KATNIP: variants seen among roughly 807,000 people sequenced by gnomAD.
The protein encoded by KATNIP is katanin-interacting protein.
KATNIP carries 126 observed loss-of-function variants against 174.0 expected under a neutral mutation model. The observed-to-expected ratio is 0.72, with a 90% CI of 0.63 to 0.84. KATNIP has a LOEUF of 0.84. KATNIP is among the 40% of genes least tolerant of loss of function. The probability of loss-of-function intolerance (pLI) is 0.00; values close to 1 mark genes in which losing one functional copy is unlikely to be tolerated. For synonymous variants in KATNIP, 810 were observed against 835.7 expected (o/e 0.97, Z 0.53); for missense variants, 1,958 against 2,109.7 (o/e 0.93, Z 1.41).
At chr16:27,573,272 A>G (rs960311001) in intron 1 of KATNIP, among the ~76,000 whole-genome samples, 2 of 152,250 alleles carry the variant, frequency 1.3e-5, no homozygotes, top group African/African-American at 4.8e-5. Flanking sequence ...TTCCTTTATA[A>G]TGGACACTTC....
In KATNIP at chr16:27,601,236, C is replaced by G. The variant is rs148169118; in HGVS notation, c.64-17189C>G. ...TGGGAGACACAGCAGTGAGCAAGCTCGCATTGTCCCTGCTCTCGTGGGTCT... is the reference window on the plus strand; with the variant it reads ...TGGGAGACACAGCAGTGAGCAAGCTGGCATTGTCCCTGCTCTCGTGGGTCT... On this transcript the variant is annotated intron_variant, in intron 2 of 27. Transcript: ENST00000261588. Among the ~76,000 whole-genome samples, 46 of 152,260 alleles carry G rather than the reference C, an allele frequency of 3.0e-4. 1 individual carries two copies. Among genetic ancestry groups the G allele is most frequent in the Middle Eastern group, 3.4e-3 (1 of 294 alleles).
chr16:27,750,384 C>T, intron 16 of KATNIP, 78 bp downstream of exon 16: 2 of 1,401,216 alleles, frequency 1.4e-6, no homozygotes, highest in Non-Finnish European at 9.7e-7. Context: ...AACAGACCAG[C>T]TGGCTAGCCA....
At chr16:27,699,993 C>T (rs1703392525) in intron 10 of KATNIP, among the ~76,000 whole-genome samples, 1 of 152,114 alleles carries the variant, frequency 6.6e-6, no homozygotes, top group African/African-American at 2.4e-5. Flanking sequence ...TCACTACAAC[C>T]TCTGCCTCCC....
intron 5 of KATNIP, chr16:27,644,395 G>A (rs2076898314): frequency 6.6e-6 from 1 of 152,068 alleles, no homozygotes; most frequent in East Asian, 1.9e-4. Context: ...AGCCCTCGTG[G>A]GCATCTGGCT....
At chr16:27,651,908 T>C (rs1254183114) in intron 6 of KATNIP, among the ~76,000 whole-genome samples, 7 of 152,140 alleles carry the variant, frequency 4.6e-5, no homozygotes, top group Non-Finnish European at 8.8e-5. Flanking sequence ...TTAGTAGAGA[T>C]GGGGTTTCAC....
chr16:27,702,670 C>A (rs537233201), intron 11 of KATNIP, among the ~76,000 whole-genome samples: 2 of 152,176 alleles, frequency 1.3e-5, no homozygotes, highest in Non-Finnish European at 2.9e-5. Context: ...GGTCGTTTTT[C>A]TGCATGAAGA....
At chr16:27,686,922 C>T (rs1197921690) in intron 8 of KATNIP, among the ~76,000 whole-genome samples, 2 of 152,172 alleles carry the variant, frequency 1.3e-5, no homozygotes, top group South Asian at 2.1e-4. Context: ...TTAATTCTCT[C>T]TAGCTTTTAA....
chr16:27,749,646 C>A lies in KATNIP; in HGVS notation c.2686C>A (p.Leu896Ile), dbSNP rs372960427. The A allele has an allele frequency of 2.5e-6, 4 of 1,598,332 alleles. No homozygotes were observed. In the African/African-American group the frequency reaches 4.0e-5, roughly 16 times the overall value. The change falls in exon 16 of 28, where the codon CTT (leucine) becomes ATT (isoleucine). Residue 896 changes from leucine to isoleucine, a missense_variant. Leu to Ile is a conservative substitution (Grantham distance 5). Transcript: ENST00000261588. ...SRWRSEQEHT[L>I]HESWSSLSAF... ...GTGGCGCAGTGAGCAGGAGCACACA[C>A]TTCACGAGTCATGGAGCTCCCTCAG...
rs1408050965 is a variant in KATNIP at position 27,776,373 on chromosome 16, G to C, written c.4450-555G>C. ...GTGGGGAGAGGGAGGGCTGTTTGAGGCTGCTCCGTCCCACTTTTCCCACTG... is the reference window on the plus strand; with the variant it reads ...GTGGGGAGAGGGAGGGCTGTTTGAGCCTGCTCCGTCCCACTTTTCCCACTG... On this transcript the variant is annotated intron_variant, in intron 24 of 27. Transcript: ENST00000261588. The surrounding 1 kb of genome is among the most constrained non-coding windows in gnomAD (Gnocchi z 4.7). Among the ~76,000 whole-genome samples, 1 of 152,084 alleles carries C rather than the reference G, an allele frequency of 6.6e-6. No homozygotes were observed. Among genetic ancestry groups the C allele is most frequent in the Non-Finnish European group, 1.5e-5 (1 of 68,008 alleles).
At chr16:27,654,773 T>A in intron 6 of KATNIP, 1 of 1,350,814 alleles carries the variant, frequency 7.4e-7, no homozygotes, top group South Asian at 1.1e-5. Flanking sequence ...CCCTAAGGGC[T>A]GGGGATCTTT....
chr16:27,701,799 T>G (rs2079109596), intron 11 of KATNIP, 104 bp downstream of exon 11: 2 of 778,496 alleles, frequency 2.6e-6, no homozygotes, highest in Non-Finnish European at 4.3e-6. Context: ...TTCAGACCCC[T>G]TATTTCTTTC....
In KATNIP at chr16:27,707,702, C is replaced by T. The variant is rs1287697090; in HGVS notation, c.1390-1003C>T. 5.3e-5 allele frequency among the ~76,000 whole-genome samples: 8 copies of T among 152,346 alleles called. No individual in the cohort carries two copies. In the East Asian group the frequency reaches 1.5e-3, roughly 29 times the overall value. On this transcript the variant is annotated intron_variant, in intron 12 of 27. Transcript: ENST00000261588. ...ACAGAGATTTGTTTTCTCACAATTC[C>T]GAAGGCTGGAAGTCCAAGATCAAGG...
At chr16:27,638,614 C>T (rs1597021312) in intron 5 of KATNIP, among the ~76,000 whole-genome samples, 5 of 152,116 alleles carry the variant, frequency 3.3e-5, no homozygotes, top group South Asian at 2.1e-4. Flanking sequence ...AGTCCTCTCC[C>T]GGTCTTGGGG....
chr16:27,567,980 T>C (rs1251268718), intron 1 of KATNIP, among the ~76,000 whole-genome samples: 1 of 152,150 alleles, frequency 6.6e-6, no homozygotes, highest in Non-Finnish European at 1.5e-5. Context: ...ATAATAGTAA[T>C]AGGAAAATAA....
At chr16:27,628,638 A>G (rs879165735) in intron 3 of KATNIP, 23 bp from the exon 4 acceptor site, 4 of 1,612,542 alleles carry the variant, frequency 2.5e-6, no homozygotes, top group East Asian at 4.5e-5. Context: ...ATGAGGAGGA[A>G]CAACCCACCG....
chr16:27,589,398 T>A (rs1363804909), intron 2 of KATNIP, among the ~76,000 whole-genome samples: 1 of 152,218 alleles, frequency 6.6e-6, no homozygotes, highest in Non-Finnish European at 1.5e-5. Flanking sequence ...AAAGCAGCCA[T>A]AGTCAATATG....
intron 2 of KATNIP, among the ~76,000 whole-genome samples, chr16:27,581,565 A>G (rs2090698048): frequency 6.6e-6 from 1 of 152,138 alleles, no homozygotes; most frequent in African/African-American, 2.4e-5. Context: ...CTTGAGAAGG[A>G]CTTGGGGGTA....
intron 5 of KATNIP, among the ~76,000 whole-genome samples, chr16:27,647,724 C>G (rs924429785): frequency 3.9e-5 from 6 of 152,068 alleles, no homozygotes; most frequent in Non-Finnish European, 5.9e-5. Flanking sequence ...AGGCTGGTCT[C>G]GAACTCCTGA....
chr16:27,667,147 C>T (rs1280892538), intron 6 of KATNIP, among the ~76,000 whole-genome samples: 3 of 151,934 alleles, frequency 2.0e-5, no homozygotes, highest in African/African-American at 7.3e-5. Flanking sequence ...ATGGCAAGAC[C>T]CCATCTCTAC....
Sources: gnomAD v4.1 joint callset for allele counts (sites outside exome capture counted in the v4.1 genomes callset) on GRCh38, gnomAD v4.1.1 for gene constraint, Gnocchi (gnomAD v3.1) non-coding constraint, MANE v1.5 for transcripts, NCBI Gene and HGNC (gene_info 2026-07-23, HGNC 2026-07-21) for gene names.